TRERF1: variants seen among roughly 807,000 people sequenced by gnomAD.
TRERF1 encodes transcriptional regulating factor 1, also known as transcriptional-regulating factor 1.
Under a neutral mutation model 122.9 loss-of-function variants are expected in TRERF1, and 27 were observed. The observed-to-expected ratio is 0.22, with a 90% CI of 0.16 to 0.30. The LOEUF (loss-of-function observed/expected upper bound fraction) is 0.30, where lower values mean the gene tolerates loss of function less well. Among genes scored for constraint, TRERF1 ranks in the 10% least tolerant of loss-of-function variants. The pLI, the probability that TRERF1 is intolerant of heterozygous loss-of-function variation, is 1.00. For missense variants in TRERF1, 1,248 were observed against 1,560.3 expected (o/e 0.80, Z 3.37); for synonymous variants, 636 against 641.7 (o/e 0.99, Z 0.13).
chr6:42,268,963 G>C lies in TRERF1; in HGVS notation c.628C>G (p.Pro210Ala). 4 of 1,612,072 alleles carry C rather than the reference G, an allele frequency of 2.5e-6. No homozygotes were observed. Among genetic ancestry groups the C allele is most frequent in the Non-Finnish European group, 3.4e-6 (4 of 1,178,508 alleles). The change falls in exon 5 of 18, where the codon CCT becomes GCT. Residue 210 changes from proline (P) to alanine (A), a missense_variant. Pro to Ala is a conservative substitution (Grantham distance 27). Around this residue, in one of 5 missense-constraint regions of TRERF1, gnomAD observed 946 missense variants for 1,073.0 expected, o/e 0.88. Coordinates refer to ENST00000372922, the Ensembl canonical transcript of TRERF1. This position sits in a 1 kb window ranked among gnomAD's most constrained non-coding sequence, Gnocchi z 4.4. The stretch of plus-strand genomic sequence containing the variant: ...TTGGACAGCCCACCAGTGAAACCAG[G>C]GTGAGGCTGCTGGGGCACCTGCTGG...
chr6:42,409,014 G>A (rs947536796), intron 2 of TRERF1, among the ~76,000 whole-genome samples: 6 of 152,004 alleles, frequency 3.9e-5, no homozygotes, highest in African/African-American at 1.5e-4. Flanking sequence ...CAGGTCAGGC[G>A]CGGTGGCTCA....
At position 42,275,271 on chromosome 6, in the gene TRERF1, C is replaced by A. The variant is rs1314466437; in HGVS notation, c.-258-5423G>T. Among the ~76,000 whole-genome samples, 1 of 152,228 alleles carries A rather than the reference C, an allele frequency of 6.6e-6. No homozygotes were observed. Among genetic ancestry groups the A allele is most frequent in the Non-Finnish European group, 1.5e-5 (1 of 68,044 alleles). The stretch of plus-strand genomic sequence containing the variant: ...TGCTCATTATGTGTAACAATTTCTA[C>A]TGGGTAATTTGTACCAGGAGCTTTT... On this transcript the variant is annotated intron_variant, in intron 4 of 17. Coordinates refer to ENST00000372922, the Ensembl canonical transcript of TRERF1. This position sits in a 1 kb window ranked among gnomAD's most constrained non-coding sequence, Gnocchi z 4.1.
chr6:42,256,299 G>A (rs934089181), intron 12 of TRERF1, among the ~76,000 whole-genome samples: 2 of 152,126 alleles, frequency 1.3e-5, no homozygotes, highest in Admixed American at 1.3e-4. Flanking sequence ...TTGGTTAGAG[G>A]AGAAAAGAGT....
rs201326897 is a variant in TRERF1, at chr6:42,260,317, T to C, written c.1885-594A>G. Among the ~76,000 whole-genome samples the C allele has an allele frequency of 6.6e-5, 10 of 152,124 alleles. No homozygotes were observed. In the East Asian group the frequency reaches 1.9e-3, roughly 30 times the overall value. On this transcript the variant is annotated intron_variant, in intron 8 of 17. Coordinates refer to ENST00000372922, the Ensembl canonical transcript of TRERF1. ...GTGCTCACCTAAAAACGGATCTGGT[T>C]AACCTCCCCCGTCACCACCCCTCAC...
chr6:42,441,083 C>T (rs1434076895), intron 2 of TRERF1, among the ~76,000 whole-genome samples: 2 of 152,116 alleles, frequency 1.3e-5, no homozygotes, highest in Admixed American at 6.5e-5. Context: ...TTCCCCTCCC[C>T]AACTCGAGCT....
intron 3 of TRERF1, among the ~76,000 whole-genome samples, chr6:42,343,609 A>G (rs1370265734): frequency 6.6e-6 from 1 of 152,196 alleles, no homozygotes; most frequent in East Asian, 1.9e-4. Flanking sequence ...GAAGTGTGTT[A>G]TCCTAAGGAC....
At chr6:42,331,530 G>A (rs768472063) in intron 3 of TRERF1, among the ~76,000 whole-genome samples, 1 of 152,152 alleles carries the variant, frequency 6.6e-6, no homozygotes, top group African/African-American at 2.4e-5. Context: ...GTACCAGCCC[G>A]TTCCCTGGGG....
At chr6:42,388,261 T>C (rs1459625552) in intron 2 of TRERF1, among the ~76,000 whole-genome samples, 1 of 151,276 alleles carries the variant, frequency 6.6e-6, no homozygotes, top group Non-Finnish European at 1.5e-5. Context: ...ATTCAGGCAG[T>C]ACTGGAACAG....
chr6:42,240,850 T>C (rs1035405199), intron 15 of TRERF1, among the ~76,000 whole-genome samples: 7 of 152,220 alleles, frequency 4.6e-5, no homozygotes, highest in Non-Finnish European at 8.8e-5. Context: ...GGAGTTCAAC[T>C]GCTTTTAGTT....
chr6:42,386,629 G>A (rs1209690429), intron 2 of TRERF1, among the ~76,000 whole-genome samples: 2 of 152,186 alleles, frequency 1.3e-5, no homozygotes, highest in African/African-American at 2.4e-5. Flanking sequence ...AACAAGACAT[G>A]ATGGAGAAAT....
intron 13 of TRERF1, among the ~76,000 whole-genome samples, chr6:42,254,476 C>T (rs1217557576): frequency 6.6e-6 from 1 of 152,160 alleles, no homozygotes; most frequent in African/African-American, 2.4e-5. Context: ...ACCCAGGCTG[C>T]AGAAGACCAT....
Position 42,258,302 on chromosome 6 carries a change from C to T in TRERF1, c.2270-101G>A, listed in dbSNP as rs552941654. ...CCTAACCAGCCATAATAGAGCTTCT[C>T]TCCTACCCAGCTCCTGCCAGAGTTA... On this transcript the variant is annotated intron_variant, in intron 9 of 17. Coordinates refer to ENST00000372922, the Ensembl canonical transcript of TRERF1. 52 of 1,035,672 alleles carry T rather than the reference C, an allele frequency of 5.0e-5. No homozygotes were observed. In the African/African-American group the frequency reaches 7.4e-4, roughly 15 times the overall value. The allele number at this position is 1,035,672 out of a possible 1,614,324, so 64.2% of individuals were successfully genotyped here.
intron 8 of TRERF1, among the ~76,000 whole-genome samples, chr6:42,260,254 G>C (rs115378370): frequency 4.6e-5 from 7 of 151,920 alleles, no homozygotes; most frequent in South Asian, 2.1e-4. Context: ...TTTCAGCAGG[G>C]GGGGAGAGCC....
chr6:42,285,715 G>A (rs1158175366), intron 4 of TRERF1, among the ~76,000 whole-genome samples: 3 of 151,910 alleles, frequency 2.0e-5, no homozygotes, highest in Admixed American at 6.6e-5. Flanking sequence ...TTTGTCAAAG[G>A]CTTTTTCTGC....
chr6:42,436,716 G>A (rs544922084), intron 2 of TRERF1, among the ~76,000 whole-genome samples: 2 of 146,542 alleles, frequency 1.4e-5, no homozygotes, highest in East Asian at 4.1e-4. Flanking sequence ...AGGAATTAAA[G>A]CCCTTTTTTA....
chr6:42,445,809 T>C (rs1787411607), intron 2 of TRERF1, among the ~76,000 whole-genome samples: 1 of 152,204 alleles, frequency 6.6e-6, no homozygotes, highest in Non-Finnish European at 1.5e-5. Context: ...CCTGCCTCTT[T>C]ACTGTGCTCT....
intron 3 of TRERF1, among the ~76,000 whole-genome samples, chr6:42,341,817 T>C (rs1027349576): frequency 2.6e-5 from 4 of 152,216 alleles, no homozygotes; most frequent in Admixed American, 2.0e-4. Flanking sequence ...TCTTCATCAG[T>C]TCATGTTGGA....
At chr6:42,425,494 C>T (rs1049029935) in intron 2 of TRERF1, among the ~76,000 whole-genome samples, 6 of 150,678 alleles carry the variant, frequency 4.0e-5, no homozygotes, top group Middle Eastern at 3.5e-3. Flanking sequence ...GCCCATGCCC[C>T]TTTCACATAC....
At chr6:42,280,031 G>A (rs959192521) in intron 4 of TRERF1, among the ~76,000 whole-genome samples, 2 of 152,112 alleles carry the variant, frequency 1.3e-5, no homozygotes, top group African/African-American at 2.4e-5. Flanking sequence ...TCCTGCCTGC[G>A]TTTCAGACAA....
Sources: gnomAD v4.1 joint callset for allele counts (sites outside exome capture counted in the v4.1 genomes callset) on GRCh38, gnomAD v4.1.1 for gene constraint, gnomAD v4.1.1 regional missense constraint, Gnocchi (gnomAD v3.1) non-coding constraint, MANE v1.5 for transcripts, NCBI Gene and HGNC (gene_info 2026-07-23, HGNC 2026-07-21) for gene names.